Variants in CSMD1 observed in about 807,000 individuals in gnomAD.
CSMD1 encodes the protein CUB and sushi domain-containing protein 1.
A neutral mutation model predicts 417.5 loss-of-function variants in CSMD1; 213 were observed. That is an observed-to-expected ratio of 0.51 (90% CI 0.46 to 0.57). CSMD1 has a LOEUF of 0.57. CSMD1 is among the 20% of genes least tolerant of loss of function. The pLI is 0.00. For synonymous variants in CSMD1, 2,862 were observed against 1,736.8 expected (o/e 1.65, Z -16.11); for missense variants, 6,923 against 4,529.7 (o/e 1.53, Z -15.17).
chr8:4,041,080 G>A (rs553502399), intron 3 of CSMD1, among the ~76,000 whole-genome samples: 6,177 of 141,490 alleles, frequency 0.044, 443 homozygotes, highest in African/African-American at 0.15. Context: ...GCAGTGGCGC[G>A]ATCTCGGCTC....
At chr8:4,787,341 G>C in intron 1 of CSMD1, 2 of 734,206 alleles carry the variant, frequency 2.7e-6, no homozygotes, top group South Asian at 1.5e-5. Flanking sequence ...AATGGCGACA[G>C]CTGAGGTACT....
At chr8:4,538,722 G>C (rs529667947) in intron 2 of CSMD1, among the ~76,000 whole-genome samples, 5 of 152,266 alleles carry the variant, frequency 3.3e-5, no homozygotes, top group Admixed American at 6.5e-5. Flanking sequence ...ATACATCCTA[G>C]CAAGTAAACC....
In CSMD1 at chr8:3,897,133, C is replaced by T. The variant is rs145083837; in HGVS notation, c.818+100770G>A. 5.0e-3 allele frequency among the ~76,000 whole-genome samples: 757 copies of T among 152,234 alleles called. 3 individuals carry two copies. Among genetic ancestry groups the T allele is most frequent in the African/African-American group, 0.018 (731 of 41,518 alleles). On this transcript the variant is annotated intron_variant, in intron 5 of 69. Coordinates refer to ENST00000635120, the MANE Select transcript of CSMD1 (RefSeq NM_033225.6). Reference sequence around the variant, plus strand: ...TGACAGCACTGAAATCACAGAGACCCAGTGTTTTTAAAACAGGAGTCTGAA... The same window carrying T: ...TGACAGCACTGAAATCACAGAGACCTAGTGTTTTTAAAACAGGAGTCTGAA...
chr8:3,429,752 TA>T (rs1162861790), intron 12 of CSMD1, among the ~76,000 whole-genome samples: 1 of 152,170 alleles, frequency 6.6e-6, no homozygotes, highest in Non-Finnish European at 1.5e-5. Context: ...TTCTATGAAA[TA>T]AAGTCTATGG....
chr8:4,176,984 G>C (rs538709083), intron 3 of CSMD1, among the ~76,000 whole-genome samples: 1 of 151,904 alleles, frequency 6.6e-6, no homozygotes, highest in Admixed American at 6.6e-5. Context: ...AAAAATGGGA[G>C]ACTTTAACAC....
intron 5 of CSMD1, among the ~76,000 whole-genome samples, chr8:3,926,538 T>G (rs1488668424): frequency 6.6e-6 from 1 of 151,938 alleles, no homozygotes; most frequent in Non-Finnish European, 1.5e-5. Context: ...AAGCAAATAA[T>G]TGTTTCTTTT....
At chr8:4,794,166 C>G (rs970877842) in intron 1 of CSMD1, among the ~76,000 whole-genome samples, 1 of 152,100 alleles carries the variant, frequency 6.6e-6, no homozygotes. Context: ...CAATATTGTT[C>G]TCTTCAATTG....
At position 3,088,695 on chromosome 8, in the gene CSMD1, C is replaced by A. The variant is rs1408923785; in HGVS notation, c.7286-1410G>T. ...ACTACCATAAGAATCTCTTGATTCA[C>A]AGCTCCATTGGCCACACCATGTTCT... On this transcript the variant is annotated intron_variant, in intron 48 of 69. Transcript: ENST00000635120. Among the ~76,000 whole-genome samples the A allele has an allele frequency of 2.0e-5, 3 of 152,060 alleles. No individual in the cohort carries two copies. The East Asian group carries it at 5.8e-4, about 30-fold the overall frequency.
At chr8:4,676,999 A>T (rs941767541) in intron 1 of CSMD1, among the ~76,000 whole-genome samples, 4 of 146,296 alleles carry the variant, frequency 2.7e-5, no homozygotes, top group Non-Finnish European at 6.0e-5. Context: ...TATATATATA[A>T]AATTTTATAT....
At position 4,040,864 on chromosome 8, in the gene CSMD1, T is replaced by G. The variant is rs920398366; in HGVS notation, c.416-8765A>C. Among the ~76,000 whole-genome samples, 10 of 152,248 alleles carry G rather than the reference T, an allele frequency of 6.6e-5. 1 individual carries two copies. Among genetic ancestry groups the G allele is most frequent in the Middle Eastern group, 6.8e-3 (2 of 292 alleles). On this transcript the variant is annotated intron_variant, in intron 3 of 69. Transcript: ENST00000635120. ...ACAATCGAAAAAATAAAAATGCTGT[T>G]GCAAGATAATGTTCACTATGTAAAT...
Position 4,580,642 on chromosome 8 carries a change from G to C in CSMD1, c.302+56700C>G, listed in dbSNP as rs143334885. On this transcript the variant is annotated intron_variant, in intron 2 of 69. Transcript: ENST00000635120. ...CCTTCTTCTTCGTGGCATCACATAA[G>C]ACATTCTCTTCTACCCTGGCTGAGC... Among the ~76,000 whole-genome samples the C allele has an allele frequency of 4.6e-3, 707 of 152,148 alleles. 16 individuals carry two copies. The highest frequency in any genetic ancestry group is 0.038 in the Admixed American group (574 of 15,288).
Position 4,484,814 on chromosome 8 carries a change from C to CAA in CSMD1, c.303-64751_303-64750dup, listed in dbSNP as rs558253893. ...GAAACCCCGTCTCTACTAAAAAATA[C>CAA]AAAAAAAAATTAGCCGGGCATGGTG... On this transcript the variant is annotated intron_variant, in intron 2 of 69. Transcript: ENST00000635120. Among the ~76,000 whole-genome samples the CAA allele has an allele frequency of 2.3e-3, 349 of 149,834 alleles. 1 individual carries two copies. The highest frequency in any genetic ancestry group is 7.5e-3 in the African/African-American group (305 of 40,872).
intron 5 of CSMD1, among the ~76,000 whole-genome samples, chr8:3,755,416 T>G (rs1280200165): frequency 1.3e-5 from 2 of 152,222 alleles, no homozygotes; most frequent in African/African-American, 4.8e-5. Flanking sequence ...AATAATTATT[T>G]TGCATCTTGG....
intron 12 of CSMD1, among the ~76,000 whole-genome samples, chr8:3,459,684 T>C (rs964463316): frequency 5.9e-5 from 9 of 152,108 alleles, no homozygotes; most frequent in Non-Finnish European, 1.3e-4. Flanking sequence ...GGGCACCGGA[T>C]ATACTTCAGG....
chr8:4,096,963 C>A (rs540380899), intron 3 of CSMD1, among the ~76,000 whole-genome samples: 1 of 152,224 alleles, frequency 6.6e-6, no homozygotes, highest in Non-Finnish European at 1.5e-5. Context: ...GATGTGTGAG[C>A]CAGTGAGTAA....
chr8:4,588,813 ACT>A (rs1799841622), intron 2 of CSMD1, among the ~76,000 whole-genome samples: 1 of 113,484 alleles, frequency 8.8e-6, no homozygotes, highest in Non-Finnish European at 2.1e-5. Flanking sequence ...CACAAAAGAA[ACT>A]CTACTCTGTG....
chr8:4,754,540 C>CT (rs1447652497), intron 1 of CSMD1, among the ~76,000 whole-genome samples: 1 of 136,378 alleles, frequency 7.3e-6, no homozygotes. Flanking sequence ...GTACTGCACA[C>CT]TTTGTTTTTT....
At chr8:4,836,337 G>C (rs1001582013) in intron 1 of CSMD1, among the ~76,000 whole-genome samples, 1 of 152,100 alleles carries the variant, frequency 6.6e-6, no homozygotes, top group Non-Finnish European at 1.5e-5. Context: ...CCATTTCCAT[G>C]TCTTATGAAG....
intron 5 of CSMD1, among the ~76,000 whole-genome samples, chr8:3,988,154 T>C (rs1185221478): frequency 6.6e-6 from 1 of 152,204 alleles, no homozygotes; most frequent in Non-Finnish European, 1.5e-5. Context: ...GCAGTTGGGC[T>C]GGTTCAGAAA....
Sources: gnomAD v4.1 joint callset for allele counts (sites outside exome capture counted in the v4.1 genomes callset) on GRCh38, gnomAD v4.1.1 for gene constraint, MANE v1.5 for transcripts, NCBI Gene and HGNC (gene_info 2026-07-23, HGNC 2026-07-21) for gene names.